The following CTNNA3 variants were observed in gnomAD, a reference collection of about 807,000 sequenced individuals.
CTNNA3 encodes catenin alpha 3, also known as catenin alpha-3.
In CTNNA3, 76 loss-of-function variants were observed where a neutral mutation model predicts 95.7. That is an observed-to-expected ratio of 0.79 (90% CI 0.66 to 0.96). CTNNA3 has a LOEUF of 0.96. Ranked by LOEUF, CTNNA3 falls within the 40% of genes least tolerant of loss-of-function variation. The pLI, the probability that CTNNA3 is intolerant of heterozygous loss-of-function variation, is 0.00. For missense variants in CTNNA3, 1,191 were observed against 1,089.8 expected, an observed-to-expected ratio of 1.09 and a Z score of -1.31; for synonymous variants, 431 against 374.4, an observed-to-expected ratio of 1.15 and a Z score of -1.74.
chr10:65,920,361 A>T lies in CTNNA3; in HGVS notation c.2657T>A (p.Met886Lys). The T allele has an allele frequency of 1.2e-6, 2 of 1,613,952 alleles. No individual in the cohort carries two copies. The highest frequency in any genetic ancestry group is 1.7e-6 in the Non-Finnish European group (2 of 1,179,986). Residue 886 changes from methionine to lysine, a missense_variant, in exon 18 of 18, where the codon ATG becomes AAG. Met to Lys is a moderately conservative substitution (Grantham distance 95). Coordinates refer to ENST00000433211, the MANE Select transcript of CTNNA3 (RefSeq NM_013266.4). The part of the protein sequence containing the change: ...AKKKIHPLQV[M>K]SEFRGRQIY ...GATTTGTCTTCCTCTAAATTCACTC[A>T]TGACTTGCAATGGATGGATTTTTTT...
intron 14 of CTNNA3, among the ~76,000 whole-genome samples, chr10:66,081,727 A>C (rs764137643): frequency 8.5e-5 from 13 of 152,208 alleles, no homozygotes; most frequent in Admixed American, 1.3e-4. Context: ...TGGGTTAGGC[A>C]AACACCACAG....
intron 7 of CTNNA3, among the ~76,000 whole-genome samples, chr10:66,962,319 G>A (rs1447697968): frequency 1.3e-5 from 2 of 151,964 alleles, no homozygotes; most frequent in African/African-American, 4.8e-5. Flanking sequence ...CATGGTCTCC[G>A]TACTTACACC....
intron 13 of CTNNA3, among the ~76,000 whole-genome samples, chr10:66,137,068 C>T (rs2083393954): frequency 6.6e-6 from 1 of 152,090 alleles, no homozygotes; most frequent in Non-Finnish European, 1.5e-5. Context: ...GCGATCTGCC[C>T]ACCTCAGCCT....
chr10:67,566,072 T>TATATATATATATATATATATATATATATA, intron 3 of CTNNA3, among the ~76,000 whole-genome samples: 1 of 102,158 alleles, frequency 9.8e-6, no homozygotes, highest in Non-Finnish European at 2.0e-5. Flanking sequence ...TATATATATA[T>TATATATATATATATATATATATATATATA]ACAAAACCTA....
At chr10:66,388,444 A>G (rs547902240) in intron 11 of CTNNA3, among the ~76,000 whole-genome samples, 20 of 152,280 alleles carry the variant, frequency 1.3e-4, no homozygotes, top group Non-Finnish European at 2.5e-4. Flanking sequence ...CCTCTTCTGT[A>G]GAAGTATGAT....
intron 10 of CTNNA3, among the ~76,000 whole-genome samples, chr10:66,547,343 C>CTTTTTTTTT (rs1246714246): frequency 0.54 from 44,370 of 81,912 alleles, 16,793 homozygotes; most frequent in Non-Finnish European, 0.64. Context: ...ATTTTTCTTT[C>CTTTTTTTTT]TTTCTTTTTT....
chr10:66,154,978 C>T (rs1454699439), intron 13 of CTNNA3, among the ~76,000 whole-genome samples: 2 of 151,308 alleles, frequency 1.3e-5, no homozygotes, highest in Non-Finnish European at 3.0e-5. Context: ...GTGAGGCATA[C>T]AATATTTTCC....
At chr10:67,566,839 C>T (rs1212653040) in intron 3 of CTNNA3, among the ~76,000 whole-genome samples, 32 of 151,848 alleles carry the variant, frequency 2.1e-4, no homozygotes, top group African/African-American at 7.5e-4. Context: ...TACTATGCAG[C>T]CATAAAAAAT....
intron 7 of CTNNA3, among the ~76,000 whole-genome samples, chr10:66,893,908 C>T (rs1420758007): frequency 6.6e-6 from 1 of 152,092 alleles, no homozygotes; most frequent in Non-Finnish European, 1.5e-5. Context: ...CAATTTTTCT[C>T]ATCCTTATGT....
At chr10:66,296,643 C>T (rs941267654) in intron 12 of CTNNA3, among the ~76,000 whole-genome samples, 4 of 151,598 alleles carry the variant, frequency 2.6e-5, no homozygotes, top group Non-Finnish European at 4.4e-5. Flanking sequence ...GCACAAAAAT[C>T]ATGCCTGTTG....
chr10:66,566,543 GTATT>G (rs1842711935), intron 10 of CTNNA3, among the ~76,000 whole-genome samples: 1 of 151,780 alleles, frequency 6.6e-6, no homozygotes, highest in Non-Finnish European at 1.5e-5. Flanking sequence ...TTGAGTGGGC[GTATT>G]TATTTTTGAG....
intron 11 of CTNNA3, among the ~76,000 whole-genome samples, chr10:66,385,246 T>C (rs1256290551): frequency 2.0e-5 from 3 of 152,096 alleles, no homozygotes; most frequent in East Asian, 3.9e-4. Flanking sequence ...CAATAAAAAT[T>C]GATAAAGGGG....
chr10:67,562,356 A>T (rs1330585038), intron 3 of CTNNA3, among the ~76,000 whole-genome samples: 1 of 152,218 alleles, frequency 6.6e-6, no homozygotes, highest in Non-Finnish European at 1.5e-5. Context: ...AATAAAGGTA[A>T]TCCAGCATAC....
chr10:65,953,932 C>G (rs1440031229), intron 17 of CTNNA3, among the ~76,000 whole-genome samples: 5 of 152,322 alleles, frequency 3.3e-5, no homozygotes, highest in Non-Finnish European at 5.9e-5. Context: ...AATGGTATTT[C>G]TAGTTCTAGA....
At chr10:66,633,451 C>T (rs7915086) in intron 9 of CTNNA3, among the ~76,000 whole-genome samples, 5,254 of 152,134 alleles carry the variant, frequency 0.035, 325 homozygotes, top group African/African-American at 0.12. Flanking sequence ...GAGGCCAAGG[C>T]GGGCAGATCA....
chr10:67,246,050 T>C (rs139935221), intron 5 of CTNNA3, among the ~76,000 whole-genome samples: 1 of 152,266 alleles, frequency 6.6e-6, no homozygotes, highest in African/African-American at 2.4e-5. Context: ...CGAGAATTCA[T>C]ATAGAAAGCT....
chr10:66,708,152 T>C (rs979483038), intron 9 of CTNNA3, among the ~76,000 whole-genome samples: 2 of 152,016 alleles, frequency 1.3e-5, no homozygotes, highest in African/African-American at 4.8e-5. Flanking sequence ...GGCAAGAGCC[T>C]TTCCTGGGGA....
At chr10:67,003,569 A>C (rs1302384627) in intron 7 of CTNNA3, among the ~76,000 whole-genome samples, 1 of 152,204 alleles carries the variant, frequency 6.6e-6, no homozygotes, top group Non-Finnish European at 1.5e-5. Context: ...TCCTGAAGTA[A>C]AGAAATATTT....
intron 11 of CTNNA3, among the ~76,000 whole-genome samples, chr10:66,470,296 G>A (rs1442084997): frequency 4.0e-5 from 6 of 151,850 alleles, no homozygotes; most frequent in African/African-American, 9.7e-5. Context: ...CGCACGAACA[G>A]GAAGTTTGAA....
Sources: gnomAD v4.1 joint callset for allele counts (sites outside exome capture counted in the v4.1 genomes callset) on GRCh38, gnomAD v4.1.1 for gene constraint, MANE v1.5 for transcripts, NCBI Gene and HGNC (gene_info 2026-07-23, HGNC 2026-07-21) for gene names.